Variants in KCTD7 observed in about 807,000 individuals in gnomAD.
KCTD7 encodes the protein BTB/POZ domain-containing protein KCTD7.
Under a neutral mutation model 27.0 loss-of-function variants are expected in KCTD7, and 15 were observed. That is an observed-to-expected ratio of 0.56 (90% CI 0.37 to 0.86). The LOEUF is 0.86. Among genes scored for constraint, KCTD7 ranks in the 40% least tolerant of loss-of-function variants. KCTD7 has a pLI of 0.00. For synonymous variants in KCTD7, 159 were observed against 162.7 expected (o/e 0.98, Z 0.17); for missense variants, 299 against 398.9 (o/e 0.75, Z 2.13).
chr7:66,632,379 C>T lies in KCTD7; in HGVS notation c.145-896C>T, dbSNP rs535741727. On this transcript the variant is annotated intron_variant, in intron 1 of 3. Transcript: ENST00000639828. ...GCAGGCACCTGTAGTCCCAGCTACT[C>T]GGGAGGCTGAGGCAGGAGAATGGTG... 1.8e-3 allele frequency among the ~76,000 whole-genome samples: 264 copies of T among 150,760 alleles called. 1 individual carries two copies. Among genetic ancestry groups the T allele is most frequent in the African/African-American group, 6.1e-3 (249 of 41,022 alleles).
intron 2 of KCTD7, among the ~76,000 whole-genome samples, chr7:66,638,012 C>T (rs1786626380): frequency 6.6e-6 from 1 of 152,134 alleles, no homozygotes. Flanking sequence ...ACTAATAACA[C>T]TTATTGAGGC....
chr7:66,634,107 T>C (rs1244225906), intron 2 of KCTD7, among the ~76,000 whole-genome samples: 2 of 113,326 alleles, frequency 1.8e-5, no homozygotes, highest in Non-Finnish European at 3.5e-5. Flanking sequence ...TATGGGTGTG[T>C]GTATACATAT....
In KCTD7 at chr7:66,638,980, C is replaced by T. The variant is rs930655842; in HGVS notation, c.618C>T (p.Leu206=). The T allele has an allele frequency of 1.2e-6, 2 of 1,614,218 alleles. No individual in the cohort carries two copies. The highest frequency in any genetic ancestry group is 1.7e-6 in the Non-Finnish European group (2 of 1,180,042). Reference sequence around the variant, plus strand: ...CCATCACCCCCTATGAGTGTCCGCTCCTCAACTCCCTGCGATTTGAGCGGA... The same window carrying T: ...CCATCACCCCCTATGAGTGTCCGCTTCTCAACTCCCTGCGATTTGAGCGGA... ...EMPITPYECP[L]LNSLRFERSE... is the part of the protein sequence containing the mutation. The change falls in exon 4 of 4, where the codon CTC becomes CTT. Residue 206 remains leucine (L), a synonymous_variant. Coordinates refer to ENST00000639828, the MANE Select transcript of KCTD7 (RefSeq NM_153033.5).
rs763849444 is a variant in KCTD7, at chr7:66,639,248, G to A, written c.*16G>A. 14 of 1,607,396 alleles carry A rather than the reference G, an allele frequency of 8.7e-6. No individual in the cohort carries two copies. The highest frequency in any genetic ancestry group is 6.7e-5 in the African/African-American group (5 of 74,920). On this transcript the variant is annotated 3_prime_UTR_variant, in exon 4 of 4. Transcript: ENST00000639828. ...ATGGTGGTGAGTAGCCCCGGTAGGC[G>A]AGAGTCCCATCAGGGAGGATGTCCA...
At chr7:66,638,209 G>A in intron 2 of KCTD7, 44 bp from the exon 3 acceptor site, 1 of 1,608,976 alleles carries the variant, frequency 6.2e-7, no homozygotes, top group African/African-American at 1.3e-5. Context: ...CACTGCCCAG[G>A]AGCATAAGCT....
chr7:66,634,071 C>T (rs1786517114), intron 2 of KCTD7, among the ~76,000 whole-genome samples: 1 of 144,158 alleles, frequency 6.9e-6, no homozygotes, highest in African/African-American at 2.6e-5. Flanking sequence ...TGTACACATA[C>T]ATGCACACAT....
At chr7:66,637,474 A>C (rs1487897411) in intron 2 of KCTD7, among the ~76,000 whole-genome samples, 1 of 152,214 alleles carries the variant, frequency 6.6e-6, no homozygotes, top group Non-Finnish European at 1.5e-5. Flanking sequence ...ACAAGACAAC[A>C]GGGTAAATAA....
chr7:66,637,353 T>G (rs1194808340), intron 2 of KCTD7, among the ~76,000 whole-genome samples: 1 of 152,310 alleles, frequency 6.6e-6, no homozygotes, highest in East Asian at 1.9e-4. Context: ...CCCAAAGTGC[T>G]GGGATCACAC....
In KCTD7 at chr7:66,629,089, C is replaced by A; in HGVS notation, c.25C>A (p.Pro9Thr). 6.5e-7 allele frequency: 1 copy of A among 1,533,530 alleles called. No homozygotes were observed. Among genetic ancestry groups the A allele is most frequent in the Non-Finnish European group, 8.8e-7 (1 of 1,141,910 alleles). 95.0% of individuals were successfully genotyped at this position (1,533,530 alleles called of 1,614,324 possible). A position where few individuals can be genotyped will look rare whatever the true frequency, so the allele number is the denominator to read the frequency against. MVVVTGRE[P>T]DSRRQDGAMS... ...GATGGTGGTAGTCACGGGGCGGGAGCCAGACAGCCGTCGTCAGGACGGTGC... is the reference window on the plus strand; with the variant it reads ...GATGGTGGTAGTCACGGGGCGGGAGACAGACAGCCGTCGTCAGGACGGTGC... The change falls in exon 1 of 4, where the codon CCA (proline) becomes ACA (threonine). Residue 9 changes from proline (P) to threonine (T), a missense_variant. Physicochemically the swap from Pro to Thr is conservative, Grantham distance 38 (BLOSUM62 -1). Transcript: ENST00000639828.
intron 1 of KCTD7, 55 bp downstream of exon 1, chr7:66,629,263 G>T: frequency 1.6e-6 from 2 of 1,215,854 alleles, no homozygotes; most frequent in Middle Eastern, 3.2e-4. Context: ...GGGGAGAAGC[G>T]GGCGCGGGGC....
intron 2 of KCTD7, among the ~76,000 whole-genome samples, chr7:66,636,756 G>A (rs1438419188): frequency 6.6e-6 from 1 of 152,048 alleles, no homozygotes; most frequent in Non-Finnish European, 1.5e-5. Flanking sequence ...CTGGGTGACA[G>A]AACAAGATCC....
At chr7:66,637,661 A>G (rs2116772700) in intron 2 of KCTD7, among the ~76,000 whole-genome samples, 1 of 152,338 alleles carries the variant, frequency 6.6e-6, no homozygotes, top group South Asian at 2.1e-4. Flanking sequence ...CTGTTTATAT[A>G]TATATTTCAA....
At chr7:66,635,188 G>A (rs1786558529) in intron 2 of KCTD7, among the ~76,000 whole-genome samples, 1 of 151,798 alleles carries the variant, frequency 6.6e-6, no homozygotes. Flanking sequence ...AATTTTTGAT[G>A]TTTTTTAGAG....
rs935929018 is a variant in KCTD7 at position 66,642,828 on chromosome 7, T to A, written c.*3596T>A. On this transcript the variant is annotated 3_prime_UTR_variant, in exon 4 of 4. Coordinates refer to ENST00000639828, the MANE Select transcript of KCTD7 (RefSeq NM_153033.5). Reference sequence around the variant, plus strand: ...CATACTGAGTGGGGAAGGATGGGGGTTGGCAGGGGTTGAGGGAGGTGGGAA... The same window carrying A: ...CATACTGAGTGGGGAAGGATGGGGGATGGCAGGGGTTGAGGGAGGTGGGAA... 1.0e-6 allele frequency: 1 copy of A among 984,488 alleles called. No homozygotes were observed. The highest frequency in any genetic ancestry group is 1.1e-4 in the East Asian group (1 of 8,800). The allele number at this position is 984,488 out of a possible 1,614,324, so 61.0% of individuals were successfully genotyped here. A position where few individuals can be genotyped will look rare whatever the true frequency, so the allele number is the denominator to read the frequency against.
At chr7:66,632,436 G>A (rs373629611) in intron 1 of KCTD7, among the ~76,000 whole-genome samples, 70 of 148,238 alleles carry the variant, frequency 4.7e-4, no homozygotes, top group African/African-American at 1.6e-3. Context: ...GCAGTGAGCC[G>A]AGATCGCGCC....
Position 66,642,655 on chromosome 7 carries a change from CT to C in KCTD7, c.*3424del, listed in dbSNP as rs1562651686. On this transcript the variant is annotated 3_prime_UTR_variant, in exon 4 of 4. Transcript: ENST00000639828. ...ATACATTATTAAGCTTTCTTGGGTA[CT>C]ATTTTGCTGGGGCTCTTGCGTGAAG... The C allele has an allele frequency of 1.0e-6, 1 of 985,236 alleles. No individual in the cohort carries two copies. The highest frequency in any genetic ancestry group is 1.2e-6 in the Non-Finnish European group (1 of 829,936). The allele number at this position is 985,236 out of a possible 1,614,324, so 61.0% of individuals were successfully genotyped here.
At chr7:66,629,292 T>C (rs978932095) in intron 1 of KCTD7, 84 bp downstream of exon 1, 3 of 123,434 alleles carry the variant, frequency 2.4e-5, no homozygotes, top group Non-Finnish European at 3.1e-5. Flanking sequence ...CCTCGGCGGG[T>C]GGGCGGGGCC....
chr7:66,631,708 A>G (rs2116760626), intron 1 of KCTD7, among the ~76,000 whole-genome samples: 1 of 110,686 alleles, frequency 9.0e-6, no homozygotes, highest in East Asian at 3.3e-4. Context: ...CAAAACAGGA[A>G]AAAAAAAAAA....
chr7:66,633,946 C>A (rs1199136680), intron 2 of KCTD7, among the ~76,000 whole-genome samples: 1 of 151,876 alleles, frequency 6.6e-6, no homozygotes, highest in Non-Finnish European at 1.5e-5. Flanking sequence ...CGAGATCACG[C>A]CTCTGCGCTC....
Sources: gnomAD v4.1 joint callset for allele counts (sites outside exome capture counted in the v4.1 genomes callset) on GRCh38, gnomAD v4.1.1 for gene constraint, MANE v1.5 for transcripts, NCBI Gene and HGNC (gene_info 2026-07-23, HGNC 2026-07-21) for gene names.